TRAIP: variants seen among roughly 807,000 people sequenced by gnomAD.
The protein encoded by TRAIP is E3 ubiquitin-protein ligase TRAIP.
In TRAIP, 37 loss-of-function variants were observed where a neutral mutation model predicts 65.0. The observed-to-expected ratio is 0.57, with a 90% CI of 0.44 to 0.75. The LOEUF (loss-of-function observed/expected upper bound fraction) is 0.75. TRAIP is among the 30% of genes least tolerant of loss of function. TRAIP has a pLI of 0.00. For synonymous variants in TRAIP, 187 were observed against 219.1 expected, an observed-to-expected ratio of 0.85 and a Z score of 1.29; for missense variants, 481 against 579.4, an observed-to-expected ratio of 0.83 and a Z score of 1.74.
rs368986227 is a variant in TRAIP at position 49,847,593 on chromosome 3, T to C, written c.172A>G (p.Ile58Val). Residue 58 changes from isoleucine to valine, a missense_variant, in exon 3 of 15, where the codon ATT (isoleucine) becomes GTT (valine). Coordinates refer to ENST00000331456, the MANE Select transcript of TRAIP (RefSeq NM_005879.3). ...QCRIQVGKRTIINKLFFDLAQ... is the reference protein window; with the variant it reads ...QCRIQVGKRTVINKLFFDLAQ... ...AGATCAAAGAAGAGCTTATTGATAA[T>C]GGTTCTTTTGCCAACCTGGATGGGA... The C allele has an allele frequency of 3.1e-6, 5 of 1,609,674 alleles. No individual in the cohort carries two copies. Among genetic ancestry groups the C allele is most frequent in the Admixed American group, 1.7e-5 (1 of 58,728 alleles).
chr3:49,844,285 C>A (rs994848748), intron 4 of TRAIP, among the ~76,000 whole-genome samples: 8 of 152,162 alleles, frequency 5.3e-5, no homozygotes, highest in African/African-American at 1.9e-4. Flanking sequence ...CATCAGGTAA[C>A]CCCCTCCCAT....
intron 9 of TRAIP, 28 bp from the exon 10 acceptor site, chr3:49,839,888 G>A: frequency 6.2e-7 from 1 of 1,604,228 alleles, no homozygotes; most frequent in Middle Eastern, 1.7e-4. Context: ...AAGTGTGTGA[G>A]AGAAAGGCTG....
At chr3:49,841,760 G>A in intron 7 of TRAIP, 66 bp downstream of exon 7, 1 of 1,253,662 alleles carries the variant, frequency 8.0e-7, no homozygotes, top group Non-Finnish European at 1.2e-6. Flanking sequence ...GAGATGGGGA[G>A]CAATGACACG....
chr3:49,854,873 A>C (rs2081958870), intron 1 of TRAIP, among the ~76,000 whole-genome samples: 1 of 151,852 alleles, frequency 6.6e-6, no homozygotes, highest in Non-Finnish European at 1.5e-5. Flanking sequence ...CCTGGGCAAC[A>C]TAGCAAGACC....
chr3:49,851,237 G>C (rs2081928097), intron 1 of TRAIP, among the ~76,000 whole-genome samples: 1 of 152,162 alleles, frequency 6.6e-6, no homozygotes, highest in South Asian at 2.1e-4. Context: ...GCCTCCCAAA[G>C]TGCTGGGATC....
intron 11 of TRAIP, 21 bp from the exon 12 acceptor site, chr3:49,830,089 G>A: frequency 1.9e-6 from 3 of 1,614,054 alleles, no homozygotes; most frequent in Non-Finnish European, 1.7e-6. Context: ...GAGAGAGAAG[G>A]CAAGGGGTAG....
Position 49,839,993 on chromosome 3 carries a change from A to T in TRAIP, c.796-133T>A, listed in dbSNP as rs561789580. On this transcript the variant is annotated intron_variant, in intron 9 of 14. Coordinates refer to ENST00000331456, the MANE Select transcript of TRAIP (RefSeq NM_005879.3). ...GAGCAAGGCCTGATACCTCATCATT[A>T]GGCTCAGGAGGCCAAGCCCCAGGTA... 1.8e-4 allele frequency: 156 copies of T among 888,330 alleles called. No homozygotes were observed. In the African/African-American group the frequency reaches 2.2e-3, roughly 13 times the overall value. 55.0% of individuals were successfully genotyped at this position (888,330 alleles called of 1,614,324 possible).
intron 11 of TRAIP, among the ~76,000 whole-genome samples, chr3:49,830,383 T>A (rs2081721437): frequency 6.6e-6 from 1 of 152,158 alleles, no homozygotes; most frequent in East Asian, 1.9e-4. Flanking sequence ...AGGCTCTATA[T>A]GGGGCTGAAG....
At chr3:49,850,498 CA>C (rs971648570) in intron 1 of TRAIP, among the ~76,000 whole-genome samples, 204 of 119,064 alleles carry the variant, frequency 1.7e-3, no homozygotes, top group Admixed American at 2.0e-3. Context: ...GACTCTGTCT[CA>C]AAAAAAAAAA....
intron 10 of TRAIP, among the ~76,000 whole-genome samples, chr3:49,834,573 A>C (rs2081764396): frequency 6.6e-6 from 1 of 152,260 alleles, no homozygotes; most frequent in Non-Finnish European, 1.5e-5. Context: ...GCCAATAAAT[A>C]GAAGAGCTTT....
intron 10 of TRAIP, among the ~76,000 whole-genome samples, chr3:49,832,621 C>T (rs2081744639): frequency 6.8e-6 from 1 of 147,162 alleles, no homozygotes; most frequent in African/African-American, 2.5e-5. Flanking sequence ...GGAAATATTC[C>T]ACATGTCAAC....
chr3:49,840,152 G>T lies in TRAIP; in HGVS notation c.795+132C>A, dbSNP rs9858428. The T allele has an allele frequency of 0.091, 77,403 of 851,808 alleles. 3,949 individuals are homozygous for T. Among genetic ancestry groups the T allele is most frequent in the Non-Finnish European group, 0.1 (54,663 of 534,980 alleles). The allele number at this position is 851,808 out of a possible 1,614,324, so 52.8% of individuals were successfully genotyped here. Reference sequence around the variant, plus strand: ...GGACCAGGGCCAAGGGGCACACCCTGACCCAGGAGGATGCAGGGGCCCAGA... The same window carrying T: ...GGACCAGGGCCAAGGGGCACACCCTTACCCAGGAGGATGCAGGGGCCCAGA... On this transcript the variant is annotated intron_variant, in intron 9 of 14. Coordinates refer to ENST00000331456, the MANE Select transcript of TRAIP (RefSeq NM_005879.3).
Position 49,829,324 on chromosome 3 carries a change from G to A in TRAIP, c.1288-99C>T. 3.1e-6 allele frequency: 5 copies of A among 1,610,658 alleles called. No homozygotes were observed. In the Admixed American group the frequency reaches 6.7e-5, roughly 21 times the overall value. The stretch of plus-strand genomic sequence containing the variant: ...CAAGAAAGGCTCAGAGCCGGGGGTG[G>A]GCGGCGCTGATACACAGAATGAGGC... On this transcript the variant is annotated intron_variant, in intron 14 of 14. Transcript: ENST00000331456.
Position 49,828,749 on chromosome 3 carries a change from A to AGATG in TRAIP, c.*350_*353dup, listed in dbSNP as rs2081704876. On this transcript the variant is annotated 3_prime_UTR_variant, in exon 15 of 15. Coordinates refer to ENST00000331456, the MANE Select transcript of TRAIP (RefSeq NM_005879.3). ...TAGAAGCTTGGGCTGAGGCTGCCTG[A>AGATG]GATGCCTCAAGCACTCTGGTCCACA... The AGATG allele has an allele frequency of 1.6e-5, 4 of 255,608 alleles. No individual in the cohort carries two copies. In the South Asian group the frequency reaches 2.3e-4, roughly 15 times the overall value. The allele number at this position is 255,608 out of a possible 1,614,324, so 15.8% of individuals were successfully genotyped here.
At chr3:49,852,641 G>C (rs1447203151) in intron 1 of TRAIP, among the ~76,000 whole-genome samples, 4 of 151,798 alleles carry the variant, frequency 2.6e-5, no homozygotes, top group Admixed American at 6.6e-5. Flanking sequence ...TGTAGTCCCA[G>C]CTACTCGGGA....
chr3:49,837,865 A>G (rs2081802377), intron 10 of TRAIP, among the ~76,000 whole-genome samples: 1 of 148,874 alleles, frequency 6.7e-6, no homozygotes, highest in Non-Finnish European at 1.5e-5. Flanking sequence ...TACAGGTGTG[A>G]GCCACCACGC....
chr3:49,844,038 G>A (rs1481555323), intron 4 of TRAIP, 110 bp from the exon 5 acceptor site: 3 of 1,444,712 alleles, frequency 2.1e-6, no homozygotes, highest in African/African-American at 2.8e-5. Flanking sequence ...TGAGAAACAA[G>A]GCTCAGGCCT....
chr3:49,852,239 C>T (rs1014703396), intron 1 of TRAIP, among the ~76,000 whole-genome samples: 5 of 151,260 alleles, frequency 3.3e-5, no homozygotes, highest in Non-Finnish European at 5.9e-5. Flanking sequence ...CGGTGGCGAG[C>T]GCCTGTAATC....
At position 49,844,551 on chromosome 3, in the gene TRAIP, A is replaced by C; in HGVS notation, c.270T>G (p.Leu90=). Residue 90 remains leucine, a synonymous_variant, in exon 4 of 15, where the codon CTT becomes CTG. Transcript: ENST00000331456. Reference sequence around the variant, plus strand: ...CTCTTGCTAACTCACCTTTCTGGGAAAGCTGGGCTCTGACATTGTCCAGTT... The same window carrying C: ...CTCTTGCTAACTCACCTTTCTGGGACAGCTGGGCTCTGACATTGTCCAGTT... The part of the protein sequence containing the change: ...KNELDNVRAQ[L]SQKDKEKRDS... The C allele has an allele frequency of 6.2e-7, 1 of 1,614,006 alleles. No homozygotes were observed. Among genetic ancestry groups the C allele is most frequent in the South Asian group, 1.1e-5 (1 of 91,056 alleles).
Sources: gnomAD v4.1 joint callset for allele counts (sites outside exome capture counted in the v4.1 genomes callset) on GRCh38, gnomAD v4.1.1 for gene constraint, MANE v1.5 for transcripts, NCBI Gene and HGNC (gene_info 2026-07-23, HGNC 2026-07-21) for gene names.